The following STARD8 variants were observed in gnomAD, a reference collection of about 807,000 sequenced individuals.
The protein encoded by STARD8 is stAR-related lipid transfer protein 8.
Under a neutral mutation model 69.4 loss-of-function variants are expected in STARD8, and 25 were observed. The ratio of observed to expected loss-of-function variants is 0.36; its 90% CI spans 0.26 to 0.50. The LOEUF (loss-of-function observed/expected upper bound fraction) is 0.50. STARD8 is among the 20% of genes least tolerant of loss of function. STARD8 has a pLI of 0.96. For synonymous variants in STARD8, 389 were observed against 374.6 expected (o/e 1.04, Z -0.45); for missense variants, 921 against 932.5 (o/e 0.99, Z 0.16).
At chrX:68,658,234 C>A (rs1393867239) in intron 1 of STARD8, among the ~76,000 whole-genome samples, 1 of 112,316 alleles carries the variant, frequency 8.9e-6, no homozygotes, top group Non-Finnish European at 1.9e-5. Context: ...ATTTCACCAT[C>A]ACAATAATCC....
intron 2 of STARD8, among the ~76,000 whole-genome samples, chrX:68,681,301 C>T (rs1015046848): frequency 1.8e-5 from 2 of 111,687 alleles, no homozygotes; most frequent in African/African-American, 6.5e-5. Context: ...TGTGGTTCCA[C>T]CTGTGTCTGG....
At chrX:68,677,883 T>A (rs2079776484) in intron 2 of STARD8, among the ~76,000 whole-genome samples, 1 of 83,712 alleles carries the variant, frequency 1.2e-5, no homozygotes, top group South Asian at 8.2e-4. Context: ...AGAGAGGAAG[T>A]AGAAAGATGT....
chrX:68,698,417 C>A (rs1194443855), intron 2 of STARD8, among the ~76,000 whole-genome samples: 2 of 111,591 alleles, frequency 1.8e-5, no homozygotes, highest in African/African-American at 6.5e-5. Context: ...GAATGTGTGT[C>A]TGTTTTCAGT....
At chrX:68,652,826 C>CA (rs2079559433) in intron 1 of STARD8, among the ~76,000 whole-genome samples, 1 of 38,835 alleles carries the variant, frequency 2.6e-5, no homozygotes, top group Non-Finnish European at 4.8e-5. Flanking sequence ...CCCACACACC[C>CA]CACACCCCAC....
Position 68,674,272 on chromosome X carries a change from G to A in STARD8, c.79+8740G>A, listed in dbSNP as rs781547265. On this transcript the variant is annotated intron_variant, in intron 2 of 14. Coordinates refer to ENST00000374599, the MANE Select transcript of STARD8 (RefSeq NM_001142503.3). ...CGCACCATTGCCCTGCAGCCTGGGC[G>A]ACAAGAGCAAAACTCCGTCTCAAAA... Among the ~76,000 whole-genome samples the A allele has an allele frequency of 6.8e-5, 6 of 88,235 alleles. No individual in the cohort carries two copies. In the South Asian group the frequency reaches 1.7e-3, roughly 26 times the overall value. The allele number at this position is 88,235 out of a possible 115,157, so 76.6% of individuals were successfully genotyped here.
intron 2 of STARD8, among the ~76,000 whole-genome samples, chrX:68,696,401 G>C (rs2147908825): frequency 8.9e-6 from 1 of 112,326 alleles, no homozygotes; most frequent in African/African-American, 3.2e-5. Flanking sequence ...CAGTGGACTG[G>C]AGGCCACAGC....
chrX:68,660,234 G>T (rs2079636071), intron 1 of STARD8, among the ~76,000 whole-genome samples: 1 of 111,779 alleles, frequency 8.9e-6, no homozygotes, highest in Non-Finnish European at 1.9e-5. Context: ...TCCCAGCTGG[G>T]ATTGTTCCTC....
At chrX:68,697,070 T>G (rs2079925555) in intron 2 of STARD8, among the ~76,000 whole-genome samples, 1 of 112,131 alleles carries the variant, frequency 8.9e-6, no homozygotes, top group Non-Finnish European at 1.9e-5. Context: ...CCCTTGTTAT[T>G]TTGAAACAAA....
chrX:68,721,471 A>G (rs922944546), intron 9 of STARD8, 65 bp from the exon 10 acceptor site: 3 of 1,140,965 alleles, frequency 2.6e-6, no homozygotes, highest in Admixed American at 2.4e-5. Flanking sequence ...CCTTGGAAAC[A>G]GGAGGCTGGC....
At chrX:68,710,910 C>A (rs186511972) in intron 2 of STARD8, among the ~76,000 whole-genome samples, 110 of 112,437 alleles carry the variant, frequency 9.8e-4, no homozygotes, top group African/African-American at 3.4e-3. Flanking sequence ...GGTCTCATCC[C>A]AGGGGCATGA....
intron 1 of STARD8, chrX:68,656,454 T>C (rs2079611123): frequency 8.9e-6 from 1 of 112,009 alleles, no homozygotes; most frequent in Admixed American, 9.5e-5. Context: ...TGGCGATTCC[T>C]CAAGGATCTA....
At chrX:68,710,408 C>T (rs2080040975) in intron 2 of STARD8, among the ~76,000 whole-genome samples, 1 of 112,205 alleles carries the variant, frequency 8.9e-6, no homozygotes, top group African/African-American at 3.2e-5. Flanking sequence ...AATGTGTTTG[C>T]CCAAGGGTCT....
intron 1 of STARD8, among the ~76,000 whole-genome samples, chrX:68,657,019 A>G (rs767334368): frequency 8.9e-6 from 1 of 112,105 alleles, no homozygotes; most frequent in East Asian, 2.8e-4. Context: ...AAAAAAGAAA[A>G]AAAGTTACTT....
rs777610643 is a variant in STARD8 at position 68,717,935 on chromosome X, C to T, written c.1021C>T (p.Arg341Cys). Reference protein sequence around the residue: ...QPGRRWGCEGRRGSCGSTGSH... With the variant: ...QPGRRWGCEGCRGSCGSTGSH... ...AGGTAGGCGGTGGGGCTGTGAGGGG[C>T]GCCGGGGCTCCTGTGGCTCAACGGG... The change falls in exon 6 of 15, where the codon CGC becomes TGC. Residue 341 changes from arginine to cysteine, a missense_variant. Physicochemically the swap from Arg to Cys is radical, Grantham distance 180. Coordinates refer to ENST00000374599, the MANE Select transcript of STARD8 (RefSeq NM_001142503.3). 38 of 1,207,174 alleles carry T rather than the reference C, an allele frequency of 3.1e-5. No homozygotes were observed. In the Middle Eastern group the frequency reaches 6.9e-4, roughly 22 times the overall value.
rs888935675 is a variant in STARD8 at position 68,662,278 on chromosome X, G to A, written c.46-3221G>A. Reference sequence around the variant, plus strand: ...CCCGCCTTGGACTCCCAAAGTGCTGGGAGGCCACTGTGCCGGGCCTCTGGT... The same window carrying A: ...CCCGCCTTGGACTCCCAAAGTGCTGAGAGGCCACTGTGCCGGGCCTCTGGT... On this transcript the variant is annotated intron_variant, in intron 1 of 14. Coordinates refer to ENST00000374599, the MANE Select transcript of STARD8 (RefSeq NM_001142503.3). Among the ~76,000 whole-genome samples, 3 of 110,708 alleles carry A rather than the reference G, an allele frequency of 2.7e-5. No individual in the cohort carries two copies. The Admixed American group carries it at 2.9e-4, about 11-fold the overall frequency.
chrX:68,711,690 G>A (rs2080052335), intron 2 of STARD8, among the ~76,000 whole-genome samples: 1 of 112,482 alleles, frequency 8.9e-6, no homozygotes, highest in Non-Finnish European at 1.9e-5. Context: ...ATCTGTCCCA[G>A]CCACTAGGAT....
At chrX:68,715,484 A>C in intron 4 of STARD8, 109 bp downstream of exon 4, 12 of 634,990 alleles carry the variant, frequency 1.9e-5, no homozygotes, top group Non-Finnish European at 2.8e-5. Context: ...CCAGCTTACT[A>C]ACAAAGCTCA....
intron 1 of STARD8, among the ~76,000 whole-genome samples, chrX:68,652,764 A>C (rs781620951): frequency 1.3e-3 from 57 of 42,526 alleles, no homozygotes; most frequent in African/African-American, 3.0e-3. Context: ...ACACTCCCCC[A>C]CACACACACC....
intron 2 of STARD8, among the ~76,000 whole-genome samples, chrX:68,672,354 G>A (rs2147886290): frequency 8.9e-6 from 1 of 112,024 alleles, no homozygotes; most frequent in South Asian, 3.8e-4. Context: ...GAGAAACTAA[G>A]TGATCTGCAC....
Sources: allele counts gnomAD v4.1 joint callset (sites outside exome capture counted in the v4.1 genomes callset), GRCh38; gene constraint gnomAD v4.1.1; transcripts MANE v1.5; gene names NCBI Gene and HGNC (gene_info 2026-07-23, HGNC 2026-07-21).